HAUS1: variants seen among roughly 807,000 people sequenced by gnomAD.
HAUS1 encodes the protein HAUS augmin like complex subunit 1.
A neutral mutation model predicts 38.6 loss-of-function variants in HAUS1; 25 were observed. The ratio of observed to expected loss-of-function variants is 0.65; its 90% CI spans 0.47 to 0.91. HAUS1 has a LOEUF of 0.91. Among genes scored for constraint, HAUS1 ranks in the 40% least tolerant of loss-of-function variants. The probability of loss-of-function intolerance (pLI) is 0.00; values close to 1 mark genes in which losing one functional copy is unlikely to be tolerated. For synonymous variants in HAUS1, 109 were observed against 112.9 expected (o/e 0.97, Z 0.22); for missense variants, 325 against 328.4 (o/e 0.99, Z 0.08).
intron 2 of HAUS1, among the ~76,000 whole-genome samples, chr18:46,110,152 CTTTTTTT>C (rs869105132): frequency 8.7e-6 from 1 of 115,368 alleles, no homozygotes; most frequent in Non-Finnish European, 1.8e-5. Flanking sequence ...TTATTTTGTC[CTTTTTTT>C]TTTTTTTTTT....
At chr18:46,124,958 C>T (rs1912059755) in intron 7 of HAUS1, 65 bp downstream of exon 7, 2 of 918,234 alleles carry the variant, frequency 2.2e-6, no homozygotes, top group South Asian at 1.4e-5. Context: ...TACTATATGA[C>T]CATGAAAATA....
intron 5 of HAUS1, 104 bp downstream of exon 5, chr18:46,122,694 A>T: frequency 7.6e-7 from 1 of 1,314,086 alleles, no homozygotes; most frequent in South Asian, 1.3e-5. Flanking sequence ...TGAGAGGACT[A>T]TAGAGAAGTT....
At chr18:46,115,962 TG>T (rs1911785694) in intron 2 of HAUS1, among the ~76,000 whole-genome samples, 2 of 151,542 alleles carry the variant, frequency 1.3e-5, no homozygotes, top group African/African-American at 4.8e-5. Flanking sequence ...AAAAATTAGC[TG>T]GGTGTGGTGG....
chr18:46,105,524 T>C (rs1911439950), intron 2 of HAUS1, 156 bp downstream of exon 2: 4 of 603,480 alleles, frequency 6.6e-6, no homozygotes, highest in Non-Finnish European at 1.2e-5. Context: ...AACTTTATTG[T>C]TTTATGTTTA....
rs1491343955 is a variant in HAUS1, at chr18:46,112,998, A to ATAT, written c.206-5182_206-5180dup. Among the ~76,000 whole-genome samples, 46 of 69,614 alleles carry ATAT rather than the reference A, an allele frequency of 6.6e-4. 2 individuals are homozygous for ATAT. Among genetic ancestry groups the ATAT allele is most frequent in the South Asian group, 2.0e-3 (5 of 2,466 alleles). The allele number at this position is 69,614 out of a possible 152,430, so 45.7% of individuals were successfully genotyped here. On this transcript the variant is annotated intron_variant, in intron 2 of 8. Transcript: ENST00000282058. ...ATATTATATATATAATATATATTCC[A>ATAT]TATATATGGAATATATATATTCCAT...
intron 5 of HAUS1, 79 bp downstream of exon 5, chr18:46,122,669 T>A (rs1266162016): frequency 6.6e-7 from 1 of 1,518,334 alleles, no homozygotes; most frequent in Non-Finnish European, 9.1e-7. Flanking sequence ...GGCATTATTA[T>A]TCCCTTTTTA....
chr18:46,108,124 A>G (rs1911522372), intron 2 of HAUS1, among the ~76,000 whole-genome samples: 1 of 152,156 alleles, frequency 6.6e-6, no homozygotes, highest in Non-Finnish European at 1.5e-5. Context: ...TAGAACCTCC[A>G]ATATGATGTT....
intron 2 of HAUS1, among the ~76,000 whole-genome samples, chr18:46,107,447 T>C (rs1471050260): frequency 2.0e-5 from 3 of 152,194 alleles, no homozygotes; most frequent in Non-Finnish European, 2.9e-5. Flanking sequence ...TTCTAACTAA[T>C]GTATGCAAAA....
At chr18:46,112,953 A>G (rs1568263533) in intron 2 of HAUS1, among the ~76,000 whole-genome samples, 1 of 111,094 alleles carries the variant, frequency 9.0e-6, no homozygotes, top group Non-Finnish European at 1.7e-5. Flanking sequence ...TATATAATAT[A>G]TATAATATGT....
chr18:46,109,571 C>G (rs1482610502), intron 2 of HAUS1: 1 of 151,774 alleles, frequency 6.6e-6, no homozygotes, highest in East Asian at 1.9e-4. Context: ...TTCTATGTGC[C>G]CTTGAGAAGT....
chr18:46,109,121 C>T (rs555400148), intron 2 of HAUS1, among the ~76,000 whole-genome samples: 5 of 151,128 alleles, frequency 3.3e-5, no homozygotes, highest in Non-Finnish European at 5.9e-5. Context: ...CACAGTTCCA[C>T]GTAGCTGAGG....
intron 2 of HAUS1, among the ~76,000 whole-genome samples, chr18:46,110,977 A>G (rs1911617614): frequency 6.7e-6 from 1 of 150,228 alleles, no homozygotes; most frequent in African/African-American, 2.5e-5. Context: ...TCCGGATTCA[A>G]GCGATTCTCG....
rs945243691 is a variant in HAUS1 at position 46,104,423 on chromosome 18, G to A, written c.12G>A (p.Gln4=). 3.4e-6 allele frequency: 5 copies of A among 1,466,406 alleles called. No individual in the cohort carries two copies. In the African/African-American group the frequency reaches 5.8e-5, roughly 17 times the overall value. 90.8% of individuals were successfully genotyped at this position (1,466,406 alleles called of 1,614,324 possible). A position where few individuals can be genotyped will look rare whatever the true frequency, so the allele number is the denominator to read the frequency against. The part of the protein sequence containing the change: MEP[Q]EERETQVAAW... ...CGGGAGCCGCAGCTATGGAGCCGCA[G>A]GAGGAGAGAGAAACGCAGGTGATGG... The change falls in exon 1 of 9, where the codon CAG becomes CAA. Residue 4 remains glutamine, a synonymous_variant. Transcript: ENST00000282058.
chr18:46,125,981 A>G (rs1179078295), intron 8 of HAUS1, 190 bp downstream of exon 8: 2 of 476,616 alleles, frequency 4.2e-6, no homozygotes, highest in Admixed American at 3.7e-5. Flanking sequence ...TTTTTCCATT[A>G]AGAAACATAT....
chr18:46,121,159 C>T (rs373511084), intron 4 of HAUS1, among the ~76,000 whole-genome samples: 10 of 152,096 alleles, frequency 6.6e-5, no homozygotes, highest in East Asian at 5.8e-4. Flanking sequence ...TGTCATGTCA[C>T]GTTTATTTTT....
intron 8 of HAUS1, among the ~76,000 whole-genome samples, chr18:46,127,417 G>A (rs556459226): frequency 1.7e-4 from 25 of 151,096 alleles, no homozygotes; most frequent in Non-Finnish European, 3.3e-4. Flanking sequence ...CAATGAAAAT[G>A]GAAAAGAGGC....
chr18:46,122,742 C>A, intron 5 of HAUS1, 152 bp downstream of exon 5: 1 of 812,562 alleles, frequency 1.2e-6, no homozygotes, highest in Non-Finnish European at 1.9e-6. Context: ...TTACAGTAAG[C>A]AGATCTAGAT....
chr18:46,113,104 G>A (rs1294287611), intron 2 of HAUS1, among the ~76,000 whole-genome samples: 1 of 73,556 alleles, frequency 1.4e-5, no homozygotes, highest in Non-Finnish European at 3.3e-5. Context: ...TTTGAGACAG[G>A]GTCTCACTCT....
chr18:46,104,531 G>A, intron 1 of HAUS1, 90 bp downstream of exon 1: 1 of 1,149,496 alleles, frequency 8.7e-7, no homozygotes, highest in Non-Finnish European at 1.2e-6. Flanking sequence ...TGCGCGCCAC[G>A]TCTACTTTTC....
Sources: gnomAD v4.1 joint callset for allele counts (sites outside exome capture counted in the v4.1 genomes callset) on GRCh38, gnomAD v4.1.1 for gene constraint, MANE v1.5 for transcripts, NCBI Gene and HGNC (gene_info 2026-07-23, HGNC 2026-07-21) for gene names.